The following C12orf42 variants were observed in gnomAD, a reference collection of about 807,000 sequenced individuals.
The protein encoded by C12orf42 is chromosome 12 open reading frame 42.
C12orf42 carries 25 observed loss-of-function variants against 21.6 expected under a neutral mutation model. The ratio of observed to expected loss-of-function variants is 1.16; its 90% CI spans 0.84 to 1.62. The LOEUF (loss-of-function observed/expected upper bound fraction) is 1.62, where lower values mean the gene tolerates loss of function less well. C12orf42 is among the 40% of genes most tolerant of loss of function. The pLI is 0.00. For synonymous variants in C12orf42, 174 were observed against 175.0 expected (o/e 0.99, Z 0.05); for missense variants, 483 against 459.3 (o/e 1.05, Z -0.47).
intron 4 of C12orf42, among the ~76,000 whole-genome samples, chr12:103,358,491 C>G (rs1025094296): frequency 6.6e-6 from 1 of 151,972 alleles, no homozygotes; most frequent in Non-Finnish European, 1.5e-5. Context: ...GTGACTGAGT[C>G]CACAGAAGAC....
chr12:103,218,060 T>C, the C12orf42 span, among the ~76,000 whole-genome samples: 4 of 152,134 alleles, frequency 2.6e-5, no homozygotes, highest in Non-Finnish European at 2.9e-5. Flanking sequence ...GTGAGTGGAT[T>C]ACCTGAGGTC....
In C12orf42 at chr12:103,254,846, A is replaced by C. The variant is rs142709464; in HGVS notation, c.*1366+8480T>G. 4.1e-4 allele frequency among the ~76,000 whole-genome samples: 62 copies of C among 152,236 alleles called. No individual in the cohort carries two copies. The East Asian group carries it at 0.012, about 29-fold the overall frequency. On this transcript the variant is annotated intron_variant and NMD_transcript_variant, in intron 10 of 10. Coordinates refer to the C12orf42 transcript ENST00000547347. ...ACCTAGGTGATGGTTTGATAGGTAC[A>C]GGAAATCACCATGGCACACGTTTAC...
chr12:103,190,450 G>C, the C12orf42 span, among the ~76,000 whole-genome samples: 2 of 152,046 alleles, frequency 1.3e-5, no homozygotes, highest in Non-Finnish European at 2.9e-5. Context: ...CAGCCATCAA[G>C]GCATCCCTCA....
the C12orf42 span, among the ~76,000 whole-genome samples, chr12:103,145,029 T>C: frequency 2.1e-4 from 32 of 152,300 alleles, no homozygotes; most frequent in East Asian, 6.2e-3. Flanking sequence ...GGCTGTCCTG[T>C]CTTCAGTAGA....
the C12orf42 span, among the ~76,000 whole-genome samples, chr12:103,056,044 T>C: frequency 6.6e-6 from 1 of 152,144 alleles, no homozygotes; most frequent in Non-Finnish European, 1.5e-5. Flanking sequence ...ACATAGCGAT[T>C]AGATTTTTTT....
the C12orf42 span, among the ~76,000 whole-genome samples, chr12:103,148,381 A>T: frequency 2.2e-4 from 33 of 152,176 alleles, no homozygotes; most frequent in Admixed American, 2.2e-3. Context: ...AGCCACCCCC[A>T]TAGTTCTAAT....
At chr12:103,336,750 C>T (rs1023724106) in intron 4 of C12orf42, among the ~76,000 whole-genome samples, 2 of 151,986 alleles carry the variant, frequency 1.3e-5, no homozygotes, top group Non-Finnish European at 2.9e-5. Context: ...TTTTTTTATA[C>T]GCATCAACTC....
chr12:103,501,835 C>T, the C12orf42 span, among the ~76,000 whole-genome samples: 1,166 of 152,274 alleles, frequency 7.7e-3, 4 homozygotes, highest in Non-Finnish European at 0.011. Context: ...AGCCCACAGA[C>T]ATCTTTTATT....
intron 4 of C12orf42, among the ~76,000 whole-genome samples, chr12:103,343,040 T>C (rs1166481070): frequency 2.0e-5 from 3 of 152,100 alleles, no homozygotes; most frequent in African/African-American, 7.2e-5. Context: ...TTAGCACAAA[T>C]CCAAATGGAA....
chr12:103,286,566 T>C (rs934508255), intron 4 of C12orf42, among the ~76,000 whole-genome samples: 2 of 151,366 alleles, frequency 1.3e-5, no homozygotes, highest in Non-Finnish European at 2.9e-5. Context: ...ATAATCAGTA[T>C]ACTTTAGCCA....
the C12orf42 span, among the ~76,000 whole-genome samples, chr12:103,063,649 A>G: frequency 6.6e-6 from 1 of 152,100 alleles, no homozygotes; most frequent in Non-Finnish European, 1.5e-5. Context: ...CAGGCAAGAT[A>G]ATGTTGATTT....
At chr12:103,418,765 T>G (rs771281089) in intron 2 of C12orf42, among the ~76,000 whole-genome samples, 1 of 150,864 alleles carries the variant, frequency 6.6e-6, no homozygotes, top group Non-Finnish European at 1.5e-5. Context: ...AATCAACAGA[T>G]AGGCAGAAAA....
intron 2 of C12orf42, among the ~76,000 whole-genome samples, chr12:103,440,159 C>CA (rs1951087142): frequency 7.0e-6 from 1 of 142,264 alleles, no homozygotes; most frequent in African/African-American, 2.6e-5. Flanking sequence ...ATCGCAAGAA[C>CA]AAAAAACCAA....
chr12:103,356,869 GTTGT>G lies in C12orf42; in HGVS notation c.259+12014_259+12017del, dbSNP rs558381031. Among the ~76,000 whole-genome samples, 172 of 151,890 alleles carry G rather than the reference GTTGT, an allele frequency of 1.1e-3. 1 individual carries two copies. Among genetic ancestry groups the G allele is most frequent in the African/African-American group, 3.8e-3 (159 of 41,410 alleles). On this transcript the variant is annotated intron_variant, in intron 4 of 5. Coordinates refer to ENST00000548883, the MANE Select transcript of C12orf42 (RefSeq NM_198521.5). ...TGTCCTTCGCCCACTTTTTGATGGGGTTGTTTGTTTTTTTCTTGTAAATTTGTTT... is the reference window on the plus strand; with the variant it reads ...TGTCCTTCGCCCACTTTTTGATGGGGTTGTTTTTTTCTTGTAAATTTGTTT...
chr12:103,147,494 T>C, the C12orf42 span, among the ~76,000 whole-genome samples: 1 of 113,216 alleles, frequency 8.8e-6, no homozygotes. Flanking sequence ...TCTTTTTTTC[T>C]TTTTTTTTCT....
chr12:103,068,327 G>A, the C12orf42 span, among the ~76,000 whole-genome samples: 18 of 152,158 alleles, frequency 1.2e-4, no homozygotes, highest in Non-Finnish European at 2.1e-4. Flanking sequence ...ACTTAAATAT[G>A]TAATAGCATT....
intron 4 of C12orf42, among the ~76,000 whole-genome samples, chr12:103,339,990 G>A (rs1593505369): frequency 6.6e-6 from 1 of 152,220 alleles, no homozygotes; most frequent in East Asian, 1.9e-4. Flanking sequence ...TAAAAGCACA[G>A]TGAACCCAGA....
chr12:103,554,673 G>T, the C12orf42 span, among the ~76,000 whole-genome samples: 2 of 152,128 alleles, frequency 1.3e-5, no homozygotes, highest in African/African-American at 4.8e-5. Flanking sequence ...TATGGCAAAA[G>T]GTGAAGGGGA....
chr12:103,266,482 C>A (rs1054822660), downstream of C12orf42, among the ~76,000 whole-genome samples: 1 of 152,004 alleles, frequency 6.6e-6, no homozygotes, highest in African/African-American at 2.4e-5. Context: ...GTTAAAGTAG[C>A]TATATTTGTA....
Sources: gnomAD v4.1 joint callset for allele counts (sites outside exome capture counted in the v4.1 genomes callset) on GRCh38, gnomAD v4.1.1 for gene constraint, MANE v1.5 for transcripts, NCBI Gene and HGNC (gene_info 2026-07-23, HGNC 2026-07-21) for gene names.